TIAM1: variants seen among roughly 807,000 people sequenced by gnomAD.
TIAM1 encodes the protein rho guanine nucleotide exchange factor TIAM1.
TIAM1 carries 65 observed loss-of-function variants against 163.5 expected under a neutral mutation model. The ratio of observed to expected loss-of-function variants is 0.40; its 90% CI spans 0.33 to 0.49. The LOEUF (loss-of-function observed/expected upper bound fraction) is 0.49. Ranked by LOEUF, TIAM1 falls within the 20% of genes least tolerant of loss-of-function variation. TIAM1 has a pLI of 0.77. For missense variants in TIAM1, 1,789 were observed against 2,044.7 expected, an observed-to-expected ratio of 0.87 and a Z score of 2.41; for synonymous variants, 833 against 810.1, an observed-to-expected ratio of 1.03 and a Z score of -0.48.
chr21:31,132,203 G>A (rs1478879288), intron 23 of TIAM1, among the ~76,000 whole-genome samples: 1 of 152,174 alleles, frequency 6.6e-6, no homozygotes, highest in African/African-American at 2.4e-5. Context: ...GAAGTATCTG[G>A]TTCAATTTCT....
chr21:31,297,273 A>G (rs2146941593), intron 2 of TIAM1, among the ~76,000 whole-genome samples: 1 of 152,382 alleles, frequency 6.6e-6, no homozygotes, highest in East Asian at 1.9e-4. Context: ...TAGAACAGTC[A>G]AACTCATTGA....
intron 25 of TIAM1, among the ~76,000 whole-genome samples, chr21:31,127,805 T>G (rs2082267591): frequency 6.6e-6 from 1 of 152,184 alleles, no homozygotes; most frequent in African/African-American, 2.4e-5. Flanking sequence ...TTGGACTCAG[T>G]GGAGCCAAAG....
intron 19 of TIAM1, among the ~76,000 whole-genome samples, chr21:31,150,698 A>C (rs2083333231): frequency 6.6e-6 from 1 of 152,204 alleles, no homozygotes; most frequent in African/African-American, 2.4e-5. Flanking sequence ...ATAAGACACC[A>C]AAAGTGTGAT....
At chr21:31,501,685 C>T (rs1377170895) in intron 1 of TIAM1, among the ~76,000 whole-genome samples, 1 of 152,162 alleles carries the variant, frequency 6.6e-6, no homozygotes, top group Admixed American at 6.5e-5. Flanking sequence ...TCGCTGCAAC[C>T]TGCACCTCCC....
intron 1 of TIAM1, among the ~76,000 whole-genome samples, chr21:31,509,187 G>A (rs73345634): frequency 0.015 from 2,274 of 152,204 alleles, 51 homozygotes; most frequent in African/African-American, 0.052. Flanking sequence ...AGGACTACCC[G>A]ACAAACCCTA....
chr21:31,361,837 TTAGATAGATAGA>T (rs75126984), intron 2 of TIAM1, among the ~76,000 whole-genome samples: 88 of 147,596 alleles, frequency 6.0e-4, no homozygotes, highest in Non-Finnish European at 1.1e-3. Flanking sequence ...GGAAGAAAGA[TTAGATAGATAGA>T]TAGATAGATA....
intron 1 of TIAM1, among the ~76,000 whole-genome samples, chr21:31,512,052 C>T (rs1223003633): frequency 6.6e-6 from 1 of 152,132 alleles, no homozygotes; most frequent in Non-Finnish European, 1.5e-5. Flanking sequence ...ACCTAAGCTG[C>T]CTGGGATGCA....
At chr21:31,175,497 T>C (rs2084716247) in intron 15 of TIAM1, among the ~76,000 whole-genome samples, 3 of 152,256 alleles carry the variant, frequency 2.0e-5, no homozygotes, top group Admixed American at 6.5e-5. Flanking sequence ...TAATTACTGT[T>C]ACATAATTCC....
intron 6 of TIAM1, among the ~76,000 whole-genome samples, chr21:31,243,702 C>T (rs968450071): frequency 6.6e-6 from 1 of 151,990 alleles, no homozygotes; most frequent in Non-Finnish European, 1.5e-5. Flanking sequence ...GAGAATGATA[C>T]CTAGACACAT....
chr21:31,424,825 C>T (rs912317433), intron 2 of TIAM1, among the ~76,000 whole-genome samples: 1 of 152,026 alleles, frequency 6.6e-6, no homozygotes, highest in African/African-American at 2.4e-5. Flanking sequence ...CCAAGGCAGG[C>T]GGATCACTTG....
At chr21:31,147,787 A>AATATATATATAT (rs373598678) in intron 19 of TIAM1, among the ~76,000 whole-genome samples, 22 of 139,842 alleles carry the variant, frequency 1.6e-4, no homozygotes, top group African/African-American at 5.8e-4. Context: ...ATTATATTAA[A>AATATATATATAT]ATATATATAT....
intron 2 of TIAM1, among the ~76,000 whole-genome samples, chr21:31,449,613 G>A (rs1157115178): frequency 6.6e-6 from 1 of 151,924 alleles, no homozygotes; most frequent in Non-Finnish European, 1.5e-5. Context: ...CCTGACCTCA[G>A]ATGATCTGCC....
At chr21:31,354,748 A>G (rs1479193738) in intron 2 of TIAM1, among the ~76,000 whole-genome samples, 1 of 152,142 alleles carries the variant, frequency 6.6e-6, no homozygotes, top group Non-Finnish European at 1.5e-5. Flanking sequence ...GCAAGTTGAC[A>G]AACACTTCAC....
intron 19 of TIAM1, among the ~76,000 whole-genome samples, chr21:31,147,700 A>T (rs2083187758): frequency 1.4e-5 from 2 of 144,794 alleles, no homozygotes; most frequent in South Asian, 4.2e-4. Flanking sequence ...ATTCTATAAA[A>T]TATATATTTT....
chr21:31,330,077 C>T (rs944369102), intron 2 of TIAM1, among the ~76,000 whole-genome samples: 4 of 152,172 alleles, frequency 2.6e-5, no homozygotes, highest in Non-Finnish European at 5.9e-5. Flanking sequence ...AGGGTTCAGT[C>T]TTGGAGCTGT....
chr21:31,340,523 C>A (rs1176547984), intron 1 of TIAM1, among the ~76,000 whole-genome samples: 3 of 152,106 alleles, frequency 2.0e-5, no homozygotes, highest in Non-Finnish European at 4.4e-5. Context: ...ACGTTTAATT[C>A]TTTTCCTGTT....
intron 20 of TIAM1, among the ~76,000 whole-genome samples, chr21:31,142,513 C>G (rs955376844): frequency 1.4e-5 from 2 of 144,990 alleles, no homozygotes; most frequent in African/African-American, 5.1e-5. Context: ...CGCCCATAAT[C>G]CCAGCTACTC....
intron 14 of TIAM1, among the ~76,000 whole-genome samples, chr21:31,183,848 C>A (rs970911195): frequency 6.6e-5 from 10 of 151,922 alleles, no homozygotes; most frequent in African/African-American, 2.4e-4. Flanking sequence ...GCACTCACCA[C>A]CACGCCCAGC....
intron 1 of TIAM1, among the ~76,000 whole-genome samples, chr21:31,485,827 G>A (rs1307441487): frequency 6.6e-6 from 1 of 152,162 alleles, no homozygotes; most frequent in African/African-American, 2.4e-5. Context: ...ACCTACCTGA[G>A]GGGTAGGTGC....
Sources: gnomAD v4.1 joint callset for allele counts (sites outside exome capture counted in the v4.1 genomes callset) on GRCh38, gnomAD v4.1.1 for gene constraint, MANE v1.5 for transcripts, NCBI Gene and HGNC (gene_info 2026-07-23, HGNC 2026-07-21) for gene names.